Variants in MRPL1 observed in about 807,000 individuals in gnomAD.
MRPL1 encodes the protein large ribosomal subunit protein uL1m.
Under a neutral mutation model 38.0 loss-of-function variants are expected in MRPL1, and 28 were observed. That is an observed-to-expected ratio of 0.74 (90% CI 0.55 to 1.01). The LOEUF is 1.01. MRPL1 is among the 50% of genes least tolerant of loss of function. MRPL1 has a pLI of 0.00. For missense variants in MRPL1, 358 were observed against 389.8 expected (o/e 0.92, Z 0.69); for synonymous variants, 123 against 126.7 (o/e 0.97, Z 0.20).
At chr4:77,887,164 C>T in intron 4 of MRPL1, 56 bp from the exon 5 acceptor site, 1 of 1,307,622 alleles carries the variant, frequency 7.6e-7, no homozygotes, top group South Asian at 1.2e-5. Context: ...TACTTCAAAG[C>T]AGACTGAATA....
chr4:77,949,953 C>A (rs998536962), intron 8 of MRPL1, 75 bp downstream of exon 8: 12 of 782,148 alleles, frequency 1.5e-5, no homozygotes, highest in African/African-American at 1.4e-4. Context: ...AGAAAAAAGT[C>A]AAATTAACAT....
At chr4:77,863,899 T>G (rs1735062149) in intron 1 of MRPL1, among the ~76,000 whole-genome samples, 2 of 152,086 alleles carry the variant, frequency 1.3e-5, no homozygotes, top group Non-Finnish European at 2.9e-5. Flanking sequence ...CTGAACTTAT[T>G]AGATATGTGG....
intron 8 of MRPL1, among the ~76,000 whole-genome samples, chr4:77,951,074 T>C (rs1408116203): frequency 6.6e-6 from 1 of 152,214 alleles, no homozygotes; most frequent in African/African-American, 2.4e-5. Flanking sequence ...TTCACCATGT[T>C]GGCCAGGCTG....
intron 7 of MRPL1, among the ~76,000 whole-genome samples, chr4:77,933,749 A>T (rs545515699): frequency 8.5e-4 from 130 of 152,332 alleles, no homozygotes; most frequent in African/African-American, 3.0e-3. Flanking sequence ...AGAAACTGCA[A>T]CTCTCATACA....
At chr4:77,868,174 T>C (rs1735198964) in intron 1 of MRPL1, among the ~76,000 whole-genome samples, 1 of 152,024 alleles carries the variant, frequency 6.6e-6, no homozygotes, top group South Asian at 2.1e-4. Context: ...GTGATTTTCC[T>C]GCTTCAGCCT....
At chr4:77,944,440 C>T (rs901967636) in intron 7 of MRPL1, among the ~76,000 whole-genome samples, 5 of 152,240 alleles carry the variant, frequency 3.3e-5, no homozygotes, top group African/African-American at 1.2e-4. Flanking sequence ...TTAGATACTA[C>T]CTTTTTTCGT....
intron 2 of MRPL1, among the ~76,000 whole-genome samples, chr4:77,879,533 A>G (rs1735488649): frequency 6.6e-6 from 1 of 152,226 alleles, no homozygotes; most frequent in Admixed American, 6.5e-5. Context: ...GGAATATCAG[A>G]TTAATTGCAA....
intron 7 of MRPL1, among the ~76,000 whole-genome samples, chr4:77,923,288 G>A (rs901668127): frequency 3.3e-5 from 5 of 151,850 alleles, no homozygotes; most frequent in African/African-American, 9.7e-5. Context: ...TAGAGACAGG[G>A]TTTCACCATG....
chr4:77,927,786 C>CA (rs1171858924), intron 7 of MRPL1, among the ~76,000 whole-genome samples: 8 of 152,038 alleles, frequency 5.3e-5, no homozygotes, highest in African/African-American at 1.7e-4. Context: ...AAGAAAAAAA[C>CA]TATAGCCATA....
intron 6 of MRPL1, among the ~76,000 whole-genome samples, chr4:77,897,954 G>T (rs1041879432): frequency 1.3e-5 from 2 of 152,090 alleles, no homozygotes; most frequent in African/African-American, 4.8e-5. Flanking sequence ...ATGAAATATG[G>T]ATCTATTATA....
At chr4:77,950,372 T>C (rs764257673) in intron 8 of MRPL1, among the ~76,000 whole-genome samples, 11 of 152,146 alleles carry the variant, frequency 7.2e-5, no homozygotes, top group African/African-American at 1.7e-4. Flanking sequence ...CTCAACTCAA[T>C]TGAGATGTGG....
chr4:77,942,529 A>G (rs1428310269), intron 7 of MRPL1, among the ~76,000 whole-genome samples: 3 of 152,096 alleles, frequency 2.0e-5, no homozygotes, highest in Non-Finnish European at 4.4e-5. Flanking sequence ...TAGTTGTTTT[A>G]TAAATTTGGG....
chr4:77,877,919 G>A (rs1306730666), intron 2 of MRPL1, among the ~76,000 whole-genome samples: 1 of 151,882 alleles, frequency 6.6e-6, no homozygotes, highest in African/African-American at 2.4e-5. Context: ...GTGGGGGGAC[G>A]GCGCGCTTCT....
At chr4:77,909,430 C>T (rs72869573) in intron 7 of MRPL1, 58 bp downstream of exon 7, 182,497 of 1,072,006 alleles carry the variant, frequency 0.17, 17,964 homozygotes, top group African/African-American at 0.39. Flanking sequence ...AAGTATTCTT[C>T]AGTAATTTAT....
intron 2 of MRPL1, among the ~76,000 whole-genome samples, chr4:77,879,809 C>T (rs977457325): frequency 6.6e-6 from 1 of 152,180 alleles, no homozygotes; most frequent in African/African-American, 2.4e-5. Context: ...TATGCATCCA[C>T]TTGGGCACTT....
At chr4:77,944,503 C>T (rs1737208506) in intron 7 of MRPL1, among the ~76,000 whole-genome samples, 1 of 152,164 alleles carries the variant, frequency 6.6e-6, no homozygotes, top group South Asian at 2.1e-4. Context: ...CCTTGTAGCA[C>T]TTCGTTCATA....
chr4:77,886,819 G>C (rs943978155), intron 4 of MRPL1, among the ~76,000 whole-genome samples: 1 of 132,784 alleles, frequency 7.5e-6, no homozygotes, highest in Non-Finnish European at 1.6e-5. Context: ...TTGAGATGGA[G>C]TCTCACTCTG....
At chr4:77,925,923 T>G (rs1011830443) in intron 7 of MRPL1, among the ~76,000 whole-genome samples, 2 of 152,246 alleles carry the variant, frequency 1.3e-5, no homozygotes, top group Admixed American at 1.3e-4. Flanking sequence ...ACTTTCATTC[T>G]GGCATATATG....
At chr4:77,889,205 T>C (rs1187350154) in intron 5 of MRPL1, among the ~76,000 whole-genome samples, 1 of 152,190 alleles carries the variant, frequency 6.6e-6, no homozygotes, top group Non-Finnish European at 1.5e-5. Flanking sequence ...ATTGCACTTA[T>C]TCCAAAATTG....
Sources: allele counts gnomAD v4.1 joint callset (sites outside exome capture counted in the v4.1 genomes callset), GRCh38; gene constraint gnomAD v4.1.1; transcripts MANE v1.5; gene names NCBI Gene and HGNC (gene_info 2026-07-23, HGNC 2026-07-21).